GATAD2B: variants seen among roughly 807,000 people sequenced by gnomAD.
The protein encoded by GATAD2B is GATA zinc finger domain containing 2B, also known as transcriptional repressor p66-beta.
GATAD2B carries 8 observed loss-of-function variants against 64.3 expected under a neutral mutation model. That is an observed-to-expected ratio of 0.12 (90% CI 0.07 to 0.22). GATAD2B has a LOEUF of 0.22. Among genes scored for constraint, GATAD2B ranks in the 10% least tolerant of loss-of-function variants. The pLI, the probability that GATAD2B is intolerant of heterozygous loss-of-function variation, is 1.00. For synonymous variants in GATAD2B, 281 were observed against 271.3 expected, an observed-to-expected ratio of 1.04 and a Z score of -0.35; for missense variants, 453 against 752.0, an observed-to-expected ratio of 0.60 and a Z score of 4.65.
At chr1:153,832,333 A>G (rs1166501909) in intron 1 of GATAD2B, among the ~76,000 whole-genome samples, 1 of 152,240 alleles carries the variant, frequency 6.6e-6, no homozygotes, top group Non-Finnish European at 1.5e-5. Flanking sequence ...TACTGGCAAT[A>G]TGGAGAAAGT....
At chr1:153,843,028 T>C (rs1675554105) in intron 1 of GATAD2B, among the ~76,000 whole-genome samples, 1 of 147,358 alleles carries the variant, frequency 6.8e-6, no homozygotes, top group Non-Finnish European at 1.5e-5. Context: ...GTCGGCTCAC[T>C]GCAACCTCCG....
In GATAD2B at chr1:153,852,848, G is replaced by C. The variant is rs1464169368; in HGVS notation, c.-1-24500C>G. 3 of 803,540 alleles carry C rather than the reference G, an allele frequency of 3.7e-6. No individual in the cohort carries two copies. The Admixed American group carries it at 5.6e-5, about 15-fold the overall frequency. 49.8% of individuals were successfully genotyped at this position (803,540 alleles called of 1,614,324 possible). A position where few individuals can be genotyped will look rare whatever the true frequency, so the allele number is the denominator to read the frequency against. Reference sequence around the variant, plus strand: ...TCTTTTTCTAGTTCTTCCCCAGTGAGAGGGAGGTACTGTCCTACCAAGAGC... The same window carrying C: ...TCTTTTTCTAGTTCTTCCCCAGTGACAGGGAGGTACTGTCCTACCAAGAGC... On this transcript the variant is annotated intron_variant, in intron 1 of 10. Transcript: ENST00000368655.
intron 1 of GATAD2B, among the ~76,000 whole-genome samples, chr1:153,904,989 G>A (rs1677883337): frequency 6.6e-6 from 1 of 152,048 alleles, no homozygotes; most frequent in Admixed American, 6.6e-5. Flanking sequence ...TTACATGCAT[G>A]AGCCACCGCC....
Position 153,852,852 on chromosome 1 carries a change from G to A in GATAD2B, c.-1-24504C>T. The A allele has an allele frequency of 1.1e-5, 9 of 795,646 alleles. 1 individual carries two copies. The South Asian group carries it at 1.3e-4, about 12-fold the overall frequency. 49.3% of individuals were successfully genotyped at this position (795,646 alleles called of 1,614,324 possible). On this transcript the variant is annotated intron_variant, in intron 1 of 10. Transcript: ENST00000368655. ...TTTCTAGTTCTTCCCCAGTGAGAGG[G>A]AGGTACTGTCCTACCAAGAGCTCTG...
intron 1 of GATAD2B, among the ~76,000 whole-genome samples, chr1:153,848,619 C>A (rs1675771503): frequency 1.3e-5 from 2 of 152,180 alleles, no homozygotes; most frequent in Admixed American, 6.5e-5. Context: ...TCCTCCGAAA[C>A]TCTCTTCATG....
intron 9 of GATAD2B, 58 bp from the exon 10 acceptor site, chr1:153,811,906 G>A (rs1674305312): frequency 7.6e-7 from 1 of 1,318,004 alleles, no homozygotes; most frequent in Non-Finnish European, 1.1e-6. Flanking sequence ...TTAAGCGGGG[G>A]CAAAGATAAG....
chr1:153,832,412 C>T (rs1675110902), intron 1 of GATAD2B, among the ~76,000 whole-genome samples: 1 of 152,154 alleles, frequency 6.6e-6, no homozygotes, highest in South Asian at 2.1e-4. Context: ...CAGAATCAGG[C>T]CCTAACTCTC....
intron 1 of GATAD2B, among the ~76,000 whole-genome samples, chr1:153,869,013 C>A (rs1676571673): frequency 6.6e-6 from 1 of 152,176 alleles, no homozygotes; most frequent in South Asian, 2.1e-4. Flanking sequence ...ACAATTCTTG[C>A]TGGGCACAGT....
intron 1 of GATAD2B, among the ~76,000 whole-genome samples, chr1:153,843,765 A>G (rs1019222832): frequency 3.3e-5 from 5 of 150,732 alleles, no homozygotes; most frequent in African/African-American, 1.2e-4. Flanking sequence ...AGATGATTCA[A>G]CAGAGACCAG....
chr1:153,880,266 A>G (rs111464093), intron 1 of GATAD2B, among the ~76,000 whole-genome samples: 11,323 of 151,904 alleles, frequency 0.075, 582 homozygotes, highest in Non-Finnish European at 0.11. Context: ...GATCGAGACC[A>G]GCCTGACCAA....
rs1190428289 is a variant in GATAD2B, at chr1:153,809,922, C to T, written c.*255G>A. On this transcript the variant is annotated 3_prime_UTR_variant, in exon 11 of 11. Transcript: ENST00000368655. ...ACCTCTATCAGAGGTAAAGATCCAC[C>T]TCACTGTTAAAGAAAACTGAAGAGA... is the stretch of plus-strand genomic sequence containing the variant. The T allele has an allele frequency of 2.6e-6, 1 of 382,546 alleles. No homozygotes were observed. The highest frequency in any genetic ancestry group is 2.1e-5 in the African/African-American group (1 of 46,984). The allele number at this position is 382,546 out of a possible 1,614,324, so 23.7% of individuals were successfully genotyped here.
At chr1:153,864,798 G>A (rs1353527281) in intron 1 of GATAD2B, among the ~76,000 whole-genome samples, 4 of 152,216 alleles carry the variant, frequency 2.6e-5, no homozygotes, top group Admixed American at 2.6e-4. Flanking sequence ...GCCAGGCACA[G>A]TGGCTCATGC....
chr1:153,853,880 T>C (rs1286243483), intron 1 of GATAD2B, among the ~76,000 whole-genome samples: 14 of 152,160 alleles, frequency 9.2e-5, no homozygotes, highest in Admixed American at 9.2e-4. Flanking sequence ...CCTTTCCTTA[T>C]TGTATATTCT....
chr1:153,888,272 G>GA (rs1448962641), intron 1 of GATAD2B, among the ~76,000 whole-genome samples: 7 of 150,210 alleles, frequency 4.7e-5, no homozygotes, highest in Admixed American at 1.3e-4. Flanking sequence ...CCTATCCTTG[G>GA]AAAAAAAACC....
intron 2 of GATAD2B, among the ~76,000 whole-genome samples, chr1:153,824,758 G>GAAAA (rs72042190): frequency 6.8e-6 from 1 of 146,616 alleles, no homozygotes; most frequent in African/African-American, 2.5e-5. Flanking sequence ...CTGAAAACAG[G>GAAAA]AAAAAAAAAA....
chr1:153,896,544 C>A (rs1328161054), intron 1 of GATAD2B, among the ~76,000 whole-genome samples: 1 of 150,062 alleles, frequency 6.7e-6, no homozygotes, highest in Non-Finnish European at 1.5e-5. Flanking sequence ...TCAAGCAATT[C>A]TCCTGCCTCA....
intron 1 of GATAD2B, chr1:153,921,856 G>C (rs531152147): frequency 1.3e-5 from 2 of 152,372 alleles, no homozygotes; most frequent in East Asian, 3.9e-4. Flanking sequence ...AAACGGGAAA[G>C]CTGTACCGGG....
intron 1 of GATAD2B, among the ~76,000 whole-genome samples, chr1:153,899,343 C>T (rs996350704): frequency 6.6e-6 from 1 of 152,076 alleles, no homozygotes; most frequent in South Asian, 2.1e-4. Flanking sequence ...CCAAGGTGGG[C>T]GGATCACCTG....
In GATAD2B at chr1:153,877,142, C is replaced by T. The variant is rs551576216; in HGVS notation, c.-2+45591G>A. Among the ~76,000 whole-genome samples the T allele has an allele frequency of 2.0e-5, 3 of 152,220 alleles. No individual in the cohort carries two copies. In the East Asian group the frequency reaches 5.8e-4, roughly 29 times the overall value. On this transcript the variant is annotated intron_variant, in intron 1 of 10. Transcript: ENST00000368655. ...TTAAGGCCAGGAGTTTGAGACCAGC[C>T]TGGGAAAAACAGTGAGCCTCTGTCT...
Sources: allele counts gnomAD v4.1 joint callset (sites outside exome capture counted in the v4.1 genomes callset), GRCh38; gene constraint gnomAD v4.1.1; transcripts MANE v1.5; gene names NCBI Gene and HGNC (gene_info 2026-07-23, HGNC 2026-07-21).